The following CSMD1 variants were observed in gnomAD, a reference collection of about 807,000 sequenced individuals.
CSMD1 encodes CUB and Sushi multiple domains 1, also known as CUB and sushi domain-containing protein 1.
Under a neutral mutation model 417.5 loss-of-function variants are expected in CSMD1, and 213 were observed. That is an observed-to-expected ratio of 0.51 (90% CI 0.46 to 0.57). The LOEUF (loss-of-function observed/expected upper bound fraction) is 0.57, where lower values mean the gene tolerates loss of function less well. Ranked by LOEUF, CSMD1 falls within the 20% of genes least tolerant of loss-of-function variation. CSMD1 has a pLI of 0.00. For missense variants in CSMD1, 6,923 were observed against 4,529.7 expected (o/e 1.53, Z -15.17); for synonymous variants, 2,862 against 1,736.8 (o/e 1.65, Z -16.11).
chr8:4,979,644 C>G (rs1368463411), intron 1 of CSMD1, among the ~76,000 whole-genome samples: 2 of 152,136 alleles, frequency 1.3e-5, no homozygotes, highest in Non-Finnish European at 2.9e-5. Flanking sequence ...TGGAGCAGTC[C>G]TCACAAAATA....
intron 6 of CSMD1, among the ~76,000 whole-genome samples, chr8:3,727,837 G>A (rs929506922): frequency 1.2e-4 from 19 of 152,178 alleles, no homozygotes; most frequent in African/African-American, 4.6e-4. Context: ...TTAGGGCAGT[G>A]CGCCAGGTGA....
rs1796503628 is a variant in CSMD1 at position 3,735,964 on chromosome 8, TAA to T, written c.931+17964_931+17965del. On this transcript the variant is annotated intron_variant, in intron 6 of 69. Coordinates refer to ENST00000635120, the MANE Select transcript of CSMD1 (RefSeq NM_033225.6). Reference sequence around the variant, plus strand: ...GGAAAGAAAATAAACAGTAGACAGGTAAATGGGTAAAATACATGGTTTTCAGT... The same window carrying T: ...GGAAAGAAAATAAACAGTAGACAGGTATGGGTAAAATACATGGTTTTCAGT... Among the ~76,000 whole-genome samples, 5 of 151,862 alleles carry T rather than the reference TAA, an allele frequency of 3.3e-5. No individual in the cohort carries two copies. The South Asian group carries it at 1.0e-3, about 31-fold the overall frequency.
intron 10 of CSMD1, among the ~76,000 whole-genome samples, chr8:3,511,819 T>C (rs78001399): frequency 6.9e-4 from 99 of 142,528 alleles, no homozygotes; most frequent in African/African-American, 2.4e-3. Context: ...TAACATAACA[T>C]AACAATAAAT....
intron 3 of CSMD1, among the ~76,000 whole-genome samples, chr8:4,122,295 A>G (rs1171451680): frequency 1.3e-5 from 2 of 152,186 alleles, no homozygotes; most frequent in Admixed American, 6.5e-5. Context: ...TTTGCTGGTC[A>G]TAAGACAGCT....
intron 20 of CSMD1, among the ~76,000 whole-genome samples, chr8:3,363,220 G>C (rs115220963): frequency 6.6e-6 from 1 of 152,200 alleles, no homozygotes; most frequent in African/African-American, 2.4e-5. Flanking sequence ...GACCTGCCTA[G>C]GCAATTAAAG....
At chr8:4,317,937 T>C (rs1159308640) in intron 3 of CSMD1, among the ~76,000 whole-genome samples, 1 of 152,196 alleles carries the variant, frequency 6.6e-6, no homozygotes, top group Non-Finnish European at 1.5e-5. Context: ...TGATGTAATA[T>C]GTTGCCGTTC....
intron 49 of CSMD1, among the ~76,000 whole-genome samples, chr8:3,075,398 C>T (rs1166499800): frequency 6.6e-6 from 1 of 151,742 alleles, no homozygotes; most frequent in African/African-American, 2.4e-5. Flanking sequence ...TTTCCTGCCT[C>T]AGCCTCCCAA....
rs113009904 is a variant in CSMD1 at position 3,599,190 on chromosome 8, G to T, written c.1098-12930C>A. On this transcript the variant is annotated intron_variant, in intron 8 of 69. Coordinates refer to ENST00000635120, the MANE Select transcript of CSMD1 (RefSeq NM_033225.6). Reference sequence around the variant, plus strand: ...GTGTGTGTGTGTGTGTGAGATGAGGGATACTGTATATATTTAAAGGTCCTA... The same window carrying T: ...GTGTGTGTGTGTGTGTGAGATGAGGTATACTGTATATATTTAAAGGTCCTA... Among the ~76,000 whole-genome samples the T allele has an allele frequency of 2.1e-3, 307 of 149,232 alleles. 1 individual carries two copies. The highest frequency in any genetic ancestry group is 7.4e-3 in the African/African-American group (295 of 39,730).
intron 1 of CSMD1, among the ~76,000 whole-genome samples, chr8:4,640,852 T>C (rs1180810345): frequency 9.2e-6 from 1 of 108,338 alleles, no homozygotes; most frequent in Non-Finnish European, 1.8e-5. Context: ...ATTGAAACCT[T>C]AATTATTGCT....
At chr8:4,100,746 A>G (rs1174622170) in intron 3 of CSMD1, among the ~76,000 whole-genome samples, 1 of 152,214 alleles carries the variant, frequency 6.6e-6, no homozygotes, top group Non-Finnish European at 1.5e-5. Flanking sequence ...AGGGAGCTGC[A>G]GGGGACTACA....
intron 1 of CSMD1, among the ~76,000 whole-genome samples, chr8:4,868,002 A>C (rs1802516641): frequency 6.6e-6 from 1 of 152,146 alleles, no homozygotes; most frequent in African/African-American, 2.4e-5. Flanking sequence ...TCAGTTCACA[A>C]AACTGCTAAA....
chr8:4,869,548 G>T lies in CSMD1; in HGVS notation c.85+124784C>A, dbSNP rs73503873. Among the ~76,000 whole-genome samples, 6 of 151,928 alleles carry T rather than the reference G, an allele frequency of 3.9e-5. 1 individual carries two copies. Among genetic ancestry groups the T allele is most frequent in the African/African-American group, 1.4e-4 (6 of 41,410 alleles). On this transcript the variant is annotated intron_variant, in intron 1 of 69. Transcript: ENST00000635120. ...GTGTATCTATTTATATTTTTTTACT[G>T]CATGGCTGTTATGAAAAGCCTATTT...
intron 2 of CSMD1, among the ~76,000 whole-genome samples, chr8:4,536,138 T>A (rs1044355847): frequency 1.3e-5 from 2 of 152,224 alleles, no homozygotes; most frequent in Non-Finnish European, 2.9e-5. Flanking sequence ...TTCCTTTCTG[T>A]ATATATAAAC....
At chr8:4,917,178 A>T (rs548227977) in intron 1 of CSMD1, among the ~76,000 whole-genome samples, 1 of 152,314 alleles carries the variant, frequency 6.6e-6, no homozygotes, top group South Asian at 2.1e-4. Context: ...GGAGGAAGAC[A>T]GAGAGAAGTG....
chr8:4,217,973 G>A (rs951759299), intron 3 of CSMD1, among the ~76,000 whole-genome samples: 1 of 152,178 alleles, frequency 6.6e-6, no homozygotes, highest in African/African-American at 2.4e-5. Context: ...ATGGTAGTTG[G>A]TGGGAAACAG....
At position 2,938,490 on chromosome 8, in the gene CSMD1, C is replaced by T. The variant is rs1466888507; in HGVS notation, c.*95G>A. 8.1e-6 allele frequency: 10 copies of T among 1,234,038 alleles called. No individual in the cohort carries two copies. Among genetic ancestry groups the T allele is most frequent in the Non-Finnish European group, 9.0e-6 (8 of 891,262 alleles). The allele number at this position is 1,234,038 out of a possible 1,614,324, so 76.4% of individuals were successfully genotyped here. ...AGGTTGAAGATCGCTGCAGTAAAGC[C>T]AGAGTGGAAGGGAGAGTGGTATATG... On this transcript the variant is annotated 3_prime_UTR_variant, in exon 70 of 70. Coordinates refer to ENST00000635120, the MANE Select transcript of CSMD1 (RefSeq NM_033225.6).
chr8:4,074,754 A>C (rs758472938), intron 3 of CSMD1, among the ~76,000 whole-genome samples: 15 of 152,256 alleles, frequency 9.9e-5, no homozygotes, highest in Admixed American at 4.6e-4. Context: ...AACAAACAAA[A>C]AAAAAACATT....
chr8:3,597,366 G>A (rs1445994442), intron 8 of CSMD1, among the ~76,000 whole-genome samples: 2 of 120,220 alleles, frequency 1.7e-5, no homozygotes, highest in Non-Finnish European at 3.4e-5. Flanking sequence ...TCGCTTCACT[G>A]GAATTAAACT....
At chr8:4,356,505 G>C (rs556878535) in intron 3 of CSMD1, among the ~76,000 whole-genome samples, 1 of 152,222 alleles carries the variant, frequency 6.6e-6, no homozygotes, top group South Asian at 2.1e-4. Flanking sequence ...GGGATTGCTG[G>C]ATCAAATGTT....
Sources: gnomAD v4.1 joint callset for allele counts (sites outside exome capture counted in the v4.1 genomes callset) on GRCh38, gnomAD v4.1.1 for gene constraint, MANE v1.5 for transcripts, NCBI Gene and HGNC (gene_info 2026-07-23, HGNC 2026-07-21) for gene names.